SLC6A6: variants seen among roughly 807,000 people sequenced by gnomAD.
SLC6A6 encodes the protein sodium- and chloride-dependent taurine transporter.
Under a neutral mutation model 68.8 loss-of-function variants are expected in SLC6A6, and 16 were observed. The observed-to-expected ratio is 0.23, with a 90% confidence interval of 0.16 to 0.35. SLC6A6 has a LOEUF of 0.35. Ranked by LOEUF, SLC6A6 falls within the 10% of genes least tolerant of loss-of-function variation. SLC6A6 has a pLI of 1.00. For missense variants in SLC6A6, 474 were observed against 802.8 expected, an observed-to-expected ratio of 0.59 and a Z score of 4.95; for synonymous variants, 312 against 315.4, an observed-to-expected ratio of 0.99 and a Z score of 0.12.
At chr3:14,465,637 TCA>T (rs1402902890) in intron 6 of SLC6A6, among the ~76,000 whole-genome samples, 1 of 152,154 alleles carries the variant, frequency 6.6e-6, no homozygotes, top group Non-Finnish European at 1.5e-5. Context: ...GTGCCTAAGA[TCA>T]CACAGCAAAT....
Position 14,458,000 on chromosome 3 carries a change from A to C in SLC6A6, c.650A>C (p.Lys217Thr). Reference sequence around the variant, plus strand: ...GGAATCGACCACCCAGGCTCTCTGAAATGGGACCTCGCTCTCTGCCTTCTT... The same window carrying C: ...GGAATCGACCACCCAGGCTCTCTGACATGGGACCTCGCTCTCTGCCTTCTT... ...SPGIDHPGSLKWDLALCLLLV... is the reference protein window; with the variant it reads ...SPGIDHPGSLTWDLALCLLLV... The change falls in exon 6 of 15, where the codon AAA (lysine) becomes ACA (threonine). Residue 217 changes from lysine to threonine, a missense_variant. Lys to Thr is a moderately conservative substitution (Grantham distance 78). Around this residue, in one of 2 missense-constraint regions of SLC6A6, gnomAD observed 280 missense variants for 533.1 expected, o/e 0.53. Transcript: ENST00000622186. 1 of 1,614,002 alleles carries C rather than the reference A, an allele frequency of 6.2e-7. No individual in the cohort carries two copies. Among genetic ancestry groups the C allele is most frequent in the Non-Finnish European group, 8.5e-7 (1 of 1,179,878 alleles).
chr3:14,425,446 T>G (rs1001634828), intron 2 of SLC6A6, among the ~76,000 whole-genome samples: 8 of 152,060 alleles, frequency 5.3e-5, no homozygotes, highest in Non-Finnish European at 1.5e-5. Context: ...GGAGGAATTA[T>G]GTAGAACTCG....
intron 2 of SLC6A6, among the ~76,000 whole-genome samples, chr3:14,418,610 T>C (rs1033955600): frequency 5.9e-5 from 9 of 152,212 alleles, no homozygotes; most frequent in Middle Eastern, 3.2e-3. Context: ...CTCAGCATGC[T>C]CATATACTGC....
At chr3:14,422,582 G>A (rs113118057) in intron 2 of SLC6A6, among the ~76,000 whole-genome samples, 10 of 152,170 alleles carry the variant, frequency 6.6e-5, no homozygotes, top group African/African-American at 2.4e-4. Flanking sequence ...GCCGCTTAGT[G>A]GCTCACCTTC....
At position 14,472,344 on chromosome 3, in the gene SLC6A6, G is replaced by A. The variant is rs373663427; in HGVS notation, c.1209+27G>A. The A allele has an allele frequency of 3.5e-5, 49 of 1,380,722 alleles. No individual in the cohort carries two copies. The highest frequency in any genetic ancestry group is 1.7e-4 in the African/African-American group (12 of 70,266). The allele number at this position is 1,380,722 out of a possible 1,614,324, so 85.5% of individuals were successfully genotyped here. A position where few individuals can be genotyped will look rare whatever the true frequency, so the allele number is the denominator to read the frequency against. On this transcript the variant is annotated intron_variant, in intron 10 of 14. Coordinates refer to ENST00000622186, the MANE Select transcript of SLC6A6 (RefSeq NM_003043.6). The surrounding 1 kb of genome is among the most constrained non-coding windows in gnomAD (Gnocchi z 4.5). ...TGCGTATAAGGGATGGCCCTGGGGC[G>A]ACTGCCCCTGTGGGGAACCTGACTC... is the stretch of plus-strand genomic sequence containing the variant.
At chr3:14,410,176 C>CA (rs145587348) in intron 1 of SLC6A6, among the ~76,000 whole-genome samples, 6,013 of 59,980 alleles carry the variant, frequency 0.1, 297 homozygotes, top group Non-Finnish European at 0.12. Context: ...GACTCCATCT[C>CA]AAAAAAAAAA....
chr3:14,427,965 C>A (rs1489207666), intron 2 of SLC6A6, among the ~76,000 whole-genome samples: 1 of 152,202 alleles, frequency 6.6e-6, no homozygotes, highest in Non-Finnish European at 1.5e-5. Flanking sequence ...CCTGATCTGG[C>A]CCTCGGCTCC....
chr3:14,454,648 G>T (rs1010456262), intron 5 of SLC6A6, among the ~76,000 whole-genome samples: 1 of 152,190 alleles, frequency 6.6e-6, no homozygotes, highest in Admixed American at 6.5e-5. Context: ...GCCCTAGTAT[G>T]TTCACGTGGC....
intron 7 of SLC6A6, among the ~76,000 whole-genome samples, chr3:14,466,928 G>C (rs934474849): frequency 6.6e-6 from 1 of 152,202 alleles, no homozygotes; most frequent in East Asian, 1.9e-4. Flanking sequence ...CTGCACCAAG[G>C]GGGAGAAATC....
chr3:14,437,540 C>T (rs1375995658), intron 2 of SLC6A6, among the ~76,000 whole-genome samples: 1 of 152,142 alleles, frequency 6.6e-6, no homozygotes. Flanking sequence ...TTCACATCTG[C>T]GTATGTTGTA....
At chr3:14,452,428 C>A (rs779538336) in intron 5 of SLC6A6, among the ~76,000 whole-genome samples, 1 of 152,212 alleles carries the variant, frequency 6.6e-6, no homozygotes, top group Non-Finnish European at 1.5e-5. Flanking sequence ...CCCGAGGTCA[C>A]GTGCACAGCT....
In SLC6A6 at chr3:14,446,610, C is replaced by T. The variant is rs182541611; in HGVS notation, c.364+759C>T. Among the ~76,000 whole-genome samples the T allele has an allele frequency of 2.2e-5, 3 of 139,114 alleles. No homozygotes were observed. The East Asian group carries it at 7.4e-4, about 34-fold the overall frequency. The allele number at this position is 139,114 out of a possible 152,430, so 91.3% of individuals were successfully genotyped here. On this transcript the variant is annotated intron_variant, in intron 4 of 14. Coordinates refer to ENST00000622186, the MANE Select transcript of SLC6A6 (RefSeq NM_003043.6). ...CAGTAGAGTGCAGCAGATAAACATT[C>T]AGGTTCAGGAGGCTTTCTGTCTGGG...
chr3:14,418,545 G>A (rs1411084736), intron 2 of SLC6A6, among the ~76,000 whole-genome samples: 2 of 152,180 alleles, frequency 1.3e-5, no homozygotes, highest in African/African-American at 2.4e-5. Context: ...GCCTCCACAG[G>A]CGTCATCATA....
intron 2 of SLC6A6, 134 bp downstream of exon 2, chr3:14,416,587 CTTGTCCACACCTCACCTCCA>C (rs1699367851): frequency 2.5e-6 from 1 of 395,332 alleles, no homozygotes; most frequent in Non-Finnish European, 4.5e-6. Flanking sequence ...GCCCACAGAC[CTTGTCCACACCTCACCTCCA>C]GGTGGCAGAT....
At chr3:14,444,506 T>C (rs1020939198) in intron 3 of SLC6A6, among the ~76,000 whole-genome samples, 3 of 147,640 alleles carry the variant, frequency 2.0e-5, no homozygotes, top group Admixed American at 1.4e-4. Context: ...CTCTGACAGG[T>C]CTTCTGTTAC....
intron 3 of SLC6A6, among the ~76,000 whole-genome samples, chr3:14,445,301 G>A (rs1029980367): frequency 1.3e-5 from 2 of 151,976 alleles, no homozygotes; most frequent in Non-Finnish European, 2.9e-5. Context: ...GGCGCCTGTA[G>A]TCCCAGCTAC....
chr3:14,448,291 G>A (rs570099970), intron 5 of SLC6A6: 17 of 180,848 alleles, frequency 9.4e-5, no homozygotes, highest in Non-Finnish European at 1.6e-4. Flanking sequence ...CAGACTTGGC[G>A]GCCTTAAACA....
chr3:14,441,312 G>A (rs1283891141), intron 2 of SLC6A6, among the ~76,000 whole-genome samples: 4 of 152,082 alleles, frequency 2.6e-5, no homozygotes, highest in Admixed American at 6.5e-5. Context: ...TGCGCCCACC[G>A]AGCCAGCCCA....
chr3:14,466,980 A>C (rs1026376577), intron 7 of SLC6A6, among the ~76,000 whole-genome samples: 1 of 152,212 alleles, frequency 6.6e-6, no homozygotes, highest in South Asian at 2.1e-4. Context: ...GCTTCTGCCC[A>C]CTGCAGCCAC....
Sources: gnomAD v4.1 joint callset for allele counts (sites outside exome capture counted in the v4.1 genomes callset) on GRCh38, gnomAD v4.1.1 for gene constraint, gnomAD v4.1.1 regional missense constraint, Gnocchi (gnomAD v3.1) non-coding constraint, MANE v1.5 for transcripts, NCBI Gene and HGNC (gene_info 2026-07-23, HGNC 2026-07-21) for gene names.